SLC9A9: variants seen among roughly 807,000 people sequenced by gnomAD.
SLC9A9 encodes the protein solute carrier family 9 member A9.
In SLC9A9, 62 loss-of-function variants were observed where a neutral mutation model predicts 77.8. That is an observed-to-expected ratio of 0.80 (90% CI 0.65 to 0.98). The LOEUF (loss-of-function observed/expected upper bound fraction) is 0.98. Among genes scored for constraint, SLC9A9 ranks in the 50% least tolerant of loss-of-function variants. The pLI, the probability that SLC9A9 is intolerant of heterozygous loss-of-function variation, is 0.00. For synonymous variants in SLC9A9, 320 were observed against 283.5 expected, an observed-to-expected ratio of 1.13 and a Z score of -1.29; for missense variants, 775 against 774.9, an observed-to-expected ratio of 1.00 and a Z score of 0.00.
At chr3:143,602,195 G>A (rs1227965292) in intron 6 of SLC9A9, among the ~76,000 whole-genome samples, 1 of 152,244 alleles carries the variant, frequency 6.6e-6, no homozygotes, top group Non-Finnish European at 1.5e-5. Flanking sequence ...GAGGCGAGCA[G>A]GGCTGTTTGA....
intron 11 of SLC9A9, among the ~76,000 whole-genome samples, chr3:143,473,339 C>T (rs1313819958): frequency 1.3e-5 from 2 of 152,188 alleles, no homozygotes; most frequent in African/African-American, 4.8e-5. Flanking sequence ...AGTAGCTTCC[C>T]ACAGCCCAGA....
intron 14 of SLC9A9, among the ~76,000 whole-genome samples, chr3:143,275,479 C>T (rs1039359265): frequency 6.6e-5 from 10 of 152,048 alleles, no homozygotes; most frequent in African/African-American, 2.2e-4. Flanking sequence ...TTTAGGGACT[C>T]CTATTCTCTA....
chr3:143,593,778 T>C (rs2037702216), intron 6 of SLC9A9, among the ~76,000 whole-genome samples: 1 of 152,240 alleles, frequency 6.6e-6, no homozygotes, highest in South Asian at 2.1e-4. Flanking sequence ...ATTAAAAGGA[T>C]GTTGATGCAT....
rs566594140 is a variant in SLC9A9, at chr3:143,768,456, C to A, written c.533+26545G>T. Among the ~76,000 whole-genome samples the A allele has an allele frequency of 9.9e-5, 15 of 152,230 alleles. No individual in the cohort carries two copies. In the South Asian group the frequency reaches 2.7e-3, roughly 27 times the overall value. ...GTTTCATCTCTTGGTATGAGATGTA[C>A]CACATTTCCCTGTGCATGTGCTGTA... is the stretch of plus-strand genomic sequence containing the variant. On this transcript the variant is annotated intron_variant, in intron 4 of 15. Transcript: ENST00000316549.
In SLC9A9 at chr3:143,537,716, G is replaced by A. The variant is rs572184227; in HGVS notation, c.1089+14646C>T. 2.7e-4 allele frequency among the ~76,000 whole-genome samples: 41 copies of A among 152,240 alleles called. 1 individual carries two copies. In the South Asian group the frequency reaches 8.3e-3, roughly 31 times the overall value. On this transcript the variant is annotated intron_variant, in intron 9 of 15. Coordinates refer to ENST00000316549, the MANE Select transcript of SLC9A9 (RefSeq NM_173653.4). The stretch of plus-strand genomic sequence containing the variant: ...CGGGGATGGGGTGGGCTCCAGCAGG[G>A]TCACTTGTGTTCCCAGGGAAACAAT...
At chr3:143,724,553 G>A (rs536677685) in intron 4 of SLC9A9, among the ~76,000 whole-genome samples, 12 of 152,292 alleles carry the variant, frequency 7.9e-5, no homozygotes, top group African/African-American at 2.9e-4. Flanking sequence ...GGCCAACATG[G>A]GAAATGATGG....
rs73008895 is a variant in SLC9A9, at chr3:143,497,375, C to T, written c.1090-1927G>A. Among the ~76,000 whole-genome samples, 437 of 152,252 alleles carry T rather than the reference C, an allele frequency of 2.9e-3. 3 individuals are homozygous for T. Among genetic ancestry groups the T allele is most frequent in the African/African-American group, 9.7e-3 (402 of 41,546 alleles). On this transcript the variant is annotated intron_variant, in intron 9 of 15. Coordinates refer to ENST00000316549, the MANE Select transcript of SLC9A9 (RefSeq NM_173653.4). ...ATGCCTCCCTAGCTCAAATATGGAG[C>T]ATATAATTTAGGACTAAACCACTCA...
At chr3:143,511,337 T>C (rs547874115) in intron 9 of SLC9A9, among the ~76,000 whole-genome samples, 1 of 152,316 alleles carries the variant, frequency 6.6e-6, no homozygotes, top group African/African-American at 2.4e-5. Context: ...TTTCCAGGTG[T>C]TCTCCTAGTT....
chr3:143,802,453 C>T (rs896848054), intron 2 of SLC9A9, among the ~76,000 whole-genome samples: 9 of 152,172 alleles, frequency 5.9e-5, no homozygotes, highest in Non-Finnish European at 1.2e-4. Flanking sequence ...ATTGACTTTA[C>T]TCACATGCCC....
At chr3:143,691,986 T>C (rs1308200220) in intron 5 of SLC9A9, among the ~76,000 whole-genome samples, 1 of 152,070 alleles carries the variant, frequency 6.6e-6, no homozygotes, top group African/African-American at 2.4e-5. Flanking sequence ...TATTTGCCTC[T>C]GGAGGTGATG....
chr3:143,385,942 C>A (rs76684361), intron 12 of SLC9A9, among the ~76,000 whole-genome samples: 2 of 152,168 alleles, frequency 1.3e-5, no homozygotes, highest in African/African-American at 4.8e-5. Flanking sequence ...CTGCCAGTTT[C>A]TCTCCCATGG....
At chr3:143,673,563 G>A (rs982635224) in intron 5 of SLC9A9, among the ~76,000 whole-genome samples, 4 of 140,584 alleles carry the variant, frequency 2.8e-5, no homozygotes, top group Non-Finnish European at 6.2e-5. Flanking sequence ...GGGTAGGATG[G>A]AGTAGGGAAG....
At chr3:143,737,170 G>T (rs571009425) in intron 4 of SLC9A9, among the ~76,000 whole-genome samples, 1 of 152,032 alleles carries the variant, frequency 6.6e-6, no homozygotes, top group South Asian at 2.1e-4. Flanking sequence ...GATCTCTTTC[G>T]TCACGAAAAC....
chr3:143,349,309 T>G (rs867293055), intron 14 of SLC9A9, among the ~76,000 whole-genome samples: 4 of 152,120 alleles, frequency 2.6e-5, no homozygotes, highest in African/African-American at 9.7e-5. Context: ...CCTAAAGAGG[T>G]GGGTCCTGCC....
intron 6 of SLC9A9, among the ~76,000 whole-genome samples, chr3:143,644,754 A>T (rs1408756630): frequency 6.6e-6 from 1 of 151,512 alleles, no homozygotes; most frequent in Non-Finnish European, 1.5e-5. Flanking sequence ...TTAAGCAAAA[A>T]CAGCCATAAC....
intron 9 of SLC9A9, among the ~76,000 whole-genome samples, chr3:143,496,180 A>T (rs1440062019): frequency 6.6e-6 from 1 of 152,228 alleles, no homozygotes; most frequent in African/African-American, 2.4e-5. Context: ...ATGATGAGGG[A>T]TGTTCCCAAG....
At chr3:143,310,361 C>T (rs2030969542) in intron 14 of SLC9A9, among the ~76,000 whole-genome samples, 2 of 152,148 alleles carry the variant, frequency 1.3e-5, no homozygotes, top group Non-Finnish European at 2.9e-5. Flanking sequence ...CACTTTCTTC[C>T]TTCTCCATAA....
At chr3:143,477,849 ATAGT>A (rs1460011084) in intron 11 of SLC9A9, among the ~76,000 whole-genome samples, 1 of 152,208 alleles carries the variant, frequency 6.6e-6, no homozygotes, top group Non-Finnish European at 1.5e-5. Flanking sequence ...CACAAAAATC[ATAGT>A]TAGAGTAAGA....
chr3:143,502,472 TA>T (rs11341160), intron 9 of SLC9A9, among the ~76,000 whole-genome samples: 33,182 of 151,454 alleles, frequency 0.22, 4,586 homozygotes, highest in Non-Finnish European at 0.32. Flanking sequence ...TACTAGAAAG[TA>T]AAAAAAAAGT....
Sources: allele counts gnomAD v4.1 joint callset (sites outside exome capture counted in the v4.1 genomes callset), GRCh38; gene constraint gnomAD v4.1.1; transcripts MANE v1.5; gene names NCBI Gene and HGNC (gene_info 2026-07-23, HGNC 2026-07-21).